RGS7: variants seen among roughly 807,000 people sequenced by gnomAD.
The protein encoded by RGS7 is regulator of G-protein signaling 7.
RGS7 carries 27 observed loss-of-function variants against 81.1 expected under a neutral mutation model. The ratio of observed to expected loss-of-function variants is 0.33; its 90% CI spans 0.25 to 0.46. The LOEUF (loss-of-function observed/expected upper bound fraction) is 0.46. Ranked by LOEUF, RGS7 falls within the 20% of genes least tolerant of loss-of-function variation. The pLI is 1.00. For synonymous variants in RGS7, 208 were observed against 207.7 expected, an observed-to-expected ratio of 1.00 and a Z score of -0.01; for missense variants, 396 against 607.4, an observed-to-expected ratio of 0.65 and a Z score of 3.66.
At chr1:240,904,956 T>C (rs1334778270) in intron 6 of RGS7, among the ~76,000 whole-genome samples, 1 of 152,162 alleles carries the variant, frequency 6.6e-6, no homozygotes, top group East Asian at 1.9e-4. Flanking sequence ...CCTTAAAAAT[T>C]ACCAGTAGCT....
intron 2 of RGS7, among the ~76,000 whole-genome samples, chr1:241,151,511 A>G (rs58134650): frequency 0.011 from 1,687 of 152,112 alleles, 38 homozygotes; most frequent in East Asian, 0.06. Context: ...CAACTCTGTC[A>G]AAGACACTGC....
intron 3 of RGS7, among the ~76,000 whole-genome samples, chr1:241,083,095 C>A (rs545413174): frequency 4.6e-5 from 7 of 151,772 alleles, no homozygotes; most frequent in African/African-American, 1.7e-4. Flanking sequence ...TGTGGTGGTA[C>A]CTGCTTGTAA....
intron 10 of RGS7, among the ~76,000 whole-genome samples, chr1:240,825,532 T>C (rs1413483779): frequency 1.3e-5 from 2 of 152,234 alleles, no homozygotes; most frequent in Non-Finnish European, 2.9e-5. Context: ...TTTTGTTTTC[T>C]TCTGGCAAAT....
intron 6 of RGS7, among the ~76,000 whole-genome samples, chr1:240,891,171 G>C (rs999655661): frequency 1.3e-5 from 2 of 150,374 alleles, no homozygotes; most frequent in African/African-American, 4.9e-5. Context: ...CTGAAAAACA[G>C]GTAATTTAAT....
intron 4 of RGS7, among the ~76,000 whole-genome samples, chr1:240,938,315 T>G (rs1429656171): frequency 1.3e-5 from 2 of 152,178 alleles, no homozygotes; most frequent in East Asian, 3.9e-4. Context: ...TTTATGTATC[T>G]TTATGTATAA....
intron 3 of RGS7, chr1:240,998,814 C>A (rs1431449061): frequency 1.6e-6 from 1 of 623,548 alleles, no homozygotes; most frequent in Admixed American, 1.9e-5. Context: ...GAGTGTGGGG[C>A]TGGCGCTGCC....
intron 6 of RGS7, among the ~76,000 whole-genome samples, chr1:240,930,449 A>G (rs182787595): frequency 6.9e-4 from 105 of 152,240 alleles, no homozygotes; most frequent in Non-Finnish European, 1.4e-3. Context: ...TGACAAAACA[A>G]TAACCCCTTT....
chr1:240,967,925 C>T (rs909336397), intron 4 of RGS7, among the ~76,000 whole-genome samples: 3 of 152,024 alleles, frequency 2.0e-5, no homozygotes, highest in African/African-American at 7.3e-5. Flanking sequence ...AAAATGTATA[C>T]ATTATAAGTA....
chr1:240,895,019 G>A (rs375932650), intron 6 of RGS7, among the ~76,000 whole-genome samples: 16 of 152,262 alleles, frequency 1.1e-4, no homozygotes, highest in South Asian at 2.1e-4. Context: ...GGAACAGTCC[G>A]TCATGGCTTG....
chr1:240,802,693 C>T (rs1558274280), intron 16 of RGS7, among the ~76,000 whole-genome samples: 1 of 152,014 alleles, frequency 6.6e-6, no homozygotes, highest in Non-Finnish European at 1.5e-5. Flanking sequence ...TGAACATCTG[C>T]AGAAACAAAC....
intron 2 of RGS7, among the ~76,000 whole-genome samples, chr1:241,247,082 A>G (rs1027852272): frequency 6.6e-6 from 1 of 152,072 alleles, no homozygotes; most frequent in African/African-American, 2.4e-5. Context: ...TTAAAAGGGA[A>G]TATGTTCTCA....
intron 3 of RGS7, among the ~76,000 whole-genome samples, chr1:241,013,935 A>G (rs2059099949): frequency 6.6e-6 from 1 of 152,240 alleles, no homozygotes; most frequent in Non-Finnish European, 1.5e-5. Flanking sequence ...TCAGTTTGAT[A>G]ATGTAATTAA....
chr1:240,820,248 C>T (rs1691527584), intron 10 of RGS7, among the ~76,000 whole-genome samples: 1 of 152,212 alleles, frequency 6.6e-6, no homozygotes, highest in East Asian at 1.9e-4. Flanking sequence ...AATTGAGATC[C>T]ATTTTTAGTT....
In RGS7 at chr1:241,261,960, C is replaced by T. The variant is rs559815646; in HGVS notation, c.78+93739G>A. Among the ~76,000 whole-genome samples the T allele has an allele frequency of 2.3e-4, 35 of 150,774 alleles. 1 individual carries two copies. The highest frequency in any genetic ancestry group is 6.8e-3 in the Middle Eastern group (2 of 292). On this transcript the variant is annotated intron_variant, in intron 2 of 18. Transcript: ENST00000440928. ...ATTACATATATACTTTGTGAGTGGC[C>T]CAGGAAAAACAGATTTTTTGTTTGT...
chr1:241,172,769 G>GA (rs2070827439), intron 2 of RGS7, among the ~76,000 whole-genome samples: 1 of 152,166 alleles, frequency 6.6e-6, no homozygotes, highest in Non-Finnish European at 1.5e-5. Context: ...CAGCAAGAAA[G>GA]AAAATTTTAT....
At chr1:240,908,988 T>G (rs952959286) in intron 6 of RGS7, among the ~76,000 whole-genome samples, 3 of 152,214 alleles carry the variant, frequency 2.0e-5, no homozygotes, top group Admixed American at 2.0e-4. Flanking sequence ...TAAAATTTCC[T>G]GAGACCTCTA....
chr1:241,324,003 T>C (rs1157167505), intron 2 of RGS7, among the ~76,000 whole-genome samples: 1 of 152,224 alleles, frequency 6.6e-6, no homozygotes, highest in East Asian at 1.9e-4. Flanking sequence ...GTCTCCAATT[T>C]ATCATGTTTA....
At chr1:241,170,690 C>T (rs1301063137) in intron 2 of RGS7, among the ~76,000 whole-genome samples, 1 of 152,154 alleles carries the variant, frequency 6.6e-6, no homozygotes, top group Non-Finnish European at 1.5e-5. Flanking sequence ...TGATGGAGAT[C>T]TGGAGGGAGC....
chr1:240,974,434 C>T lies in RGS7; in HGVS notation c.226+8645G>A, dbSNP rs1029144301. On this transcript the variant is annotated intron_variant, in intron 4 of 18. Coordinates refer to ENST00000440928, the MANE Select transcript of RGS7 (RefSeq NM_001364886.1). ...ACTGAATCATCAGTTACCATAAATC[C>T]GATGCCACTTCAGTGAATTCCCATC... is the stretch of plus-strand genomic sequence containing the variant. Among the ~76,000 whole-genome samples the T allele has an allele frequency of 5.9e-5, 9 of 152,096 alleles. No individual in the cohort carries two copies. In the South Asian group the frequency reaches 8.3e-4, roughly 14 times the overall value.
Sources: gnomAD v4.1 joint callset for allele counts (sites outside exome capture counted in the v4.1 genomes callset) on GRCh38, gnomAD v4.1.1 for gene constraint, MANE v1.5 for transcripts, NCBI Gene and HGNC (gene_info 2026-07-23, HGNC 2026-07-21) for gene names.